The following DNAH11 variants were observed in gnomAD, a reference collection of about 807,000 sequenced individuals.
DNAH11 encodes the protein dynein axonemal heavy chain 11.
DNAH11 carries 442 observed loss-of-function variants against 526.0 expected under a neutral mutation model. The observed-to-expected ratio is 0.84, with a 90% CI of 0.78 to 0.91. DNAH11 has a LOEUF of 0.91. DNAH11 is among the 40% of genes least tolerant of loss of function. The pLI is 0.00. For synonymous variants in DNAH11, 2,461 were observed against 1,935.9 expected, an observed-to-expected ratio of 1.27 and a Z score of -7.12; for missense variants, 6,989 against 5,448.7, an observed-to-expected ratio of 1.28 and a Z score of -8.90.
At position 21,749,967 on chromosome 7, in the gene DNAH11, T is replaced by C. The variant is rs574559483; in HGVS notation, c.8797+166T>C. Among the ~76,000 whole-genome samples, 3 of 152,338 alleles carry C rather than the reference T, an allele frequency of 2.0e-5. No homozygotes were observed. The East Asian group carries it at 5.8e-4, about 29-fold the overall frequency. ...TTTGAGGTGTATTGCTTTCTTAGTC[T>C]GTTTATGGATGAGAAGGCCTTCAGT... is the stretch of plus-strand genomic sequence containing the variant. On this transcript the variant is annotated intron_variant, in intron 53 of 81. Transcript: ENST00000409508.
In DNAH11 at chr7:21,591,452, G is replaced by T; in HGVS notation, c.2542G>T (p.Val848Leu). 6.2e-7 allele frequency: 1 copy of T among 1,613,940 alleles called. No individual in the cohort carries two copies. The highest frequency in any genetic ancestry group is 8.5e-7 in the Non-Finnish European group (1 of 1,179,860). Residue 848 changes from valine to leucine, a missense_variant, in exon 14 of 82, where the codon GTG becomes TTG. Physicochemically the swap from Val to Leu is conservative, Grantham distance 32. Transcript: ENST00000409508. ...QQTMRGWARC[V>L]LPPRREHRRE... ...GACCATGAGGGGCTGGGCCAGGTGC[G>T]TGCTACCTCCCAGGAGAGAGCACAG... is the stretch of plus-strand genomic sequence containing the variant.
chr7:21,748,467 C>A (rs1195160707), intron 51 of DNAH11, 113 bp from the exon 52 acceptor site: 1 of 1,194,244 alleles, frequency 8.4e-7, no homozygotes, highest in Non-Finnish European at 1.1e-6. Context: ...CCGGCCTGGG[C>A]AACAGAGCAA....
chr7:21,752,945 C>G (rs1786476056), intron 54 of DNAH11, among the ~76,000 whole-genome samples: 1 of 152,136 alleles, frequency 6.6e-6, no homozygotes, highest in Non-Finnish European at 1.5e-5. Context: ...AACTCGTGGC[C>G]TCATGTCCAC....
At chr7:21,612,549 C>T (rs58212842) in intron 20 of DNAH11, among the ~76,000 whole-genome samples, 1,200 of 88,070 alleles carry the variant, frequency 0.014, 25 homozygotes, top group South Asian at 0.084. Context: ...AGTGAGGCTC[C>T]GTCTCAAAAA....
intron 2 of DNAH11, among the ~76,000 whole-genome samples, chr7:21,548,695 G>A (rs929258835): frequency 1.3e-5 from 2 of 152,116 alleles, no homozygotes; most frequent in African/African-American, 2.4e-5. Flanking sequence ...ATGGAAAGCT[G>A]GGTAATTGCC....
At chr7:21,824,186 T>G (rs1029437) in intron 65 of DNAH11, among the ~76,000 whole-genome samples, 3,663 of 152,288 alleles carry the variant, frequency 0.024, 169 homozygotes, top group African/African-American at 0.083. Context: ...TAGGGTGTTT[T>G]AATTTTATTA....
chr7:21,588,766 T>G, intron 11 of DNAH11, 130 bp downstream of exon 11: 1 of 1,053,212 alleles, frequency 9.5e-7, no homozygotes, highest in Non-Finnish European at 1.4e-6. Context: ...CTGGTTGGGT[T>G]TGTGGAGAGG....
intron 63 of DNAH11, among the ~76,000 whole-genome samples, chr7:21,813,000 G>A (rs1212970764): frequency 6.6e-6 from 1 of 152,128 alleles, no homozygotes; most frequent in Non-Finnish European, 1.5e-5. Flanking sequence ...AGATACTGAA[G>A]GGTATGGGGG....
At chr7:21,559,454 C>A in intron 3 of DNAH11, 149 bp from the exon 4 acceptor site, 1 of 662,318 alleles carries the variant, frequency 1.5e-6, no homozygotes, top group Admixed American at 3.5e-5. Flanking sequence ...CGTAACCCCA[C>A]AACTCAAATC....
intron 65 of DNAH11, among the ~76,000 whole-genome samples, chr7:21,821,901 C>T (rs1790066887): frequency 6.6e-6 from 1 of 152,068 alleles, no homozygotes; most frequent in African/African-American, 2.4e-5. Flanking sequence ...CACCATTCTC[C>T]TCTTTGCCTC....
intron 46 of DNAH11, among the ~76,000 whole-genome samples, chr7:21,738,081 A>C (rs1785695307): frequency 6.6e-6 from 1 of 152,184 alleles, no homozygotes; most frequent in East Asian, 1.9e-4. Flanking sequence ...AGAGTCAACA[A>C]GTAATCAGAT....
chr7:21,587,360 C>T (rs1784506968), intron 9 of DNAH11, among the ~76,000 whole-genome samples: 6 of 152,094 alleles, frequency 3.9e-5, no homozygotes, highest in Admixed American at 3.9e-4. Context: ...TCTGCTTTCT[C>T]CTGTCCCACT....
At chr7:21,548,095 C>CAGCATAA (rs1348797387) in intron 2 of DNAH11, among the ~76,000 whole-genome samples, 1 of 144,890 alleles carries the variant, frequency 6.9e-6, no homozygotes, top group African/African-American at 2.6e-5. Context: ...TCTACCCAAC[C>CAGCATAA]CATTAATGGG....
Position 21,773,848 on chromosome 7 carries a change from A to G in DNAH11, c.9185A>G (p.Asn3062Ser). The G allele has an allele frequency of 1.9e-6, 3 of 1,608,772 alleles. No individual in the cohort carries two copies. Among genetic ancestry groups the G allele is most frequent in the Non-Finnish European group, 2.5e-6 (3 of 1,177,584 alleles). ...GAAATGAGTACCAGATATTACCAGAATGAGAGAAGACACAACTATACCACC... is the reference window on the plus strand; with the variant it reads ...GAAATGAGTACCAGATATTACCAGAGTGAGAGAAGACACAACTATACCACC... Reference protein sequence around the residue: ...VNEMSTRYYQNERRHNYTTPK... With the variant: ...VNEMSTRYYQSERRHNYTTPK... The change falls in exon 56 of 82, where the codon AAT becomes AGT. Residue 3062 changes from asparagine (N) to serine (S), a missense_variant. Physicochemically the swap from Asn to Ser is conservative, Grantham distance 46. Coordinates refer to ENST00000409508, the MANE Select transcript of DNAH11 (RefSeq NM_001277115.2).
intron 66 of DNAH11, among the ~76,000 whole-genome samples, chr7:21,850,057 C>A (rs1782564689): frequency 6.6e-6 from 1 of 151,056 alleles, no homozygotes; most frequent in Non-Finnish European, 1.5e-5. Flanking sequence ...ACTCATGAGC[C>A]CGTCAAAAAC....
intron 9 of DNAH11, among the ~76,000 whole-genome samples, chr7:21,583,773 A>G (rs765296048): frequency 6.6e-6 from 1 of 152,258 alleles, no homozygotes; most frequent in Non-Finnish European, 1.5e-5. Context: ...GGCGAAAGAC[A>G]TGAACAGACA....
chr7:21,726,519 C>A (rs1192733444), intron 45 of DNAH11, among the ~76,000 whole-genome samples: 1 of 151,436 alleles, frequency 6.6e-6, no homozygotes, highest in African/African-American at 2.4e-5. Context: ...TGTTAATATG[C>A]TCAGCATATG....
At chr7:21,892,337 C>T (rs190566542) in intron 76 of DNAH11, 88 bp from the exon 77 acceptor site, 696 of 1,521,310 alleles carry the variant, frequency 4.6e-4, no homozygotes, top group Non-Finnish European at 4.7e-4. Flanking sequence ...CTGGAGCCTT[C>T]TTGTCAGGGT....
intron 61 of DNAH11, among the ~76,000 whole-genome samples, chr7:21,793,687 A>G (rs370471681): frequency 6.6e-6 from 1 of 151,624 alleles, no homozygotes; most frequent in Non-Finnish European, 1.5e-5. Context: ...GCTTAGACCT[A>G]TGTAGTCTAG....
Sources: allele counts gnomAD v4.1 joint callset (sites outside exome capture counted in the v4.1 genomes callset), GRCh38; gene constraint gnomAD v4.1.1; transcripts MANE v1.5; gene names NCBI Gene and HGNC (gene_info 2026-07-23, HGNC 2026-07-21).